Variants in AMPD2 observed in about 807,000 individuals in gnomAD.
AMPD2 encodes the protein AMP deaminase 2.
In AMPD2, 52 loss-of-function variants were observed where a neutral mutation model predicts 91.3. The observed-to-expected ratio is 0.57, with a 90% CI of 0.46 to 0.72. The LOEUF (loss-of-function observed/expected upper bound fraction) is 0.72. Ranked by LOEUF, AMPD2 falls within the 30% of genes least tolerant of loss-of-function variation. The probability of loss-of-function intolerance (pLI) is 0.00; values close to 1 mark genes in which losing one functional copy is unlikely to be tolerated. For missense variants in AMPD2, 822 were observed against 1,122.3 expected, an observed-to-expected ratio of 0.73 and a Z score of 3.82; for synonymous variants, 455 against 456.4, an observed-to-expected ratio of 1.00 and a Z score of 0.04.
In AMPD2 at chr1:109,625,430, C is replaced by G; in HGVS notation, c.219C>G (p.Ala73=). 1 of 1,613,922 alleles carries G rather than the reference C, an allele frequency of 6.2e-7. No homozygotes were observed. The highest frequency in any genetic ancestry group is 8.5e-7 in the Non-Finnish European group (1 of 1,179,976). The part of the protein sequence containing the change: ...TSMDGKCKEI[A]EELFTRSLAE... ...TGGATGGCAAATGCAAGGAGATCGC[C>G]GAGGTATCACCTGGCACCACCCGCA... The change falls in exon 3 of 19, where the codon GCC becomes GCG. Residue 73 remains alanine (A), a synonymous_variant. Transcript: ENST00000528667. The surrounding 1 kb of genome is among the most constrained non-coding windows in gnomAD (Gnocchi z 4.0).
intron 15 of AMPD2, 118 bp downstream of exon 15, chr1:109,629,608 G>A (rs1570594085): frequency 6.8e-7 from 1 of 1,471,596 alleles, no homozygotes; most frequent in East Asian, 2.3e-5. Context: ...GGACTGGATG[G>A]GTTCTTTCTC....
chr1:109,629,575 G>C (rs1651023585), intron 15 of AMPD2, 85 bp downstream of exon 15: 21 of 1,538,800 alleles, frequency 1.4e-5, no homozygotes, highest in Non-Finnish European at 1.7e-5. Flanking sequence ...AGGGCCACTA[G>C]ACCTCTGACC....
At position 109,626,887 on chromosome 1, in the gene AMPD2, G is replaced by C; in HGVS notation, c.693G>C (p.Gln231His). 1 of 1,613,618 alleles carries C rather than the reference G, an allele frequency of 6.2e-7. No homozygotes were observed. Among genetic ancestry groups the C allele is most frequent in the Admixed American group, 1.7e-5 (1 of 59,972 alleles). The change falls in exon 7 of 19, where the codon CAG (glutamine) becomes CAC (histidine). Residue 231 changes from glutamine (Q) to histidine (H), a missense_variant. Physicochemically the swap from Gln to His is conservative, Grantham distance 24. Coordinates refer to ENST00000528667, the MANE Select transcript of AMPD2 (RefSeq NM_001368809.2). ...EKPLETRTYE[Q>H]GPDTPVSADA... ...CTCTGGAGACCCGGACCTATGAACAGGGCCCCGACACCCCTGTGTCTGCTG... is the reference window on the plus strand; with the variant it reads ...CTCTGGAGACCCGGACCTATGAACACGGCCCCGACACCCCTGTGTCTGCTG...
In AMPD2 at chr1:109,628,212, G is replaced by A; in HGVS notation, c.1210G>A (p.Glu404Lys). 2 of 1,614,064 alleles carry A rather than the reference G, an allele frequency of 1.2e-6. No homozygotes were observed. The highest frequency in any genetic ancestry group is 1.1e-5 in the South Asian group (1 of 91,090). ...GCAGGGCCGTGAACAGACGCTGCGGGAGGTCTTTGAGAGCATGAATCTCAC... is the reference window on the plus strand; with the variant it reads ...GCAGGGCCGTGAACAGACGCTGCGGAAGGTCTTTGAGAGCATGAATCTCAC... ...VEQGREQTLR[E>K]VFESMNLTAY... The change falls in exon 11 of 19, where the codon GAG becomes AAG. Residue 404 changes from glutamate (E) to lysine (K), a missense_variant. Coordinates refer to ENST00000528667, the MANE Select transcript of AMPD2 (RefSeq NM_001368809.2). The surrounding 1 kb of genome is among the most constrained non-coding windows in gnomAD (Gnocchi z 7.1).
At position 109,630,001 on chromosome 1, in the gene AMPD2, C is replaced by T. The variant is rs1056229799; in HGVS notation, c.1983+85C>T. The stretch of plus-strand genomic sequence containing the variant: ...GGCCCCTTCAGCAACCGATCCTCCT[C>T]CCACCCAGCCCTCAGATTGGATTCT... On this transcript the variant is annotated intron_variant, in intron 16 of 18. Coordinates refer to ENST00000528667, the MANE Select transcript of AMPD2 (RefSeq NM_001368809.2). 4 of 1,517,394 alleles carry T rather than the reference C, an allele frequency of 2.6e-6. No homozygotes were observed. In the African/African-American group the frequency reaches 5.5e-5, roughly 21 times the overall value. The allele number at this position is 1,517,394 out of a possible 1,614,324, so 94.0% of individuals were successfully genotyped here.
rs992687645 is a variant in AMPD2, at chr1:109,628,248, C to T, written c.1246C>T (p.Leu416=). The stretch of plus-strand genomic sequence containing the variant: ...GAGCATGAATCTCACGGCCTACGAC[C>T]TGAGTGTGGACACGCTGGATGTGCA... ...FESMNLTAYD[L]SVDTLDVHAD... Residue 416 remains leucine, a synonymous_variant, in exon 11 of 19, where the codon CTG becomes TTG. Transcript: ENST00000528667. The surrounding 1 kb of genome is among the most constrained non-coding windows in gnomAD (Gnocchi z 7.1). 7 of 1,613,800 alleles carry T rather than the reference C, an allele frequency of 4.3e-6. No homozygotes were observed. In the Admixed American group the frequency reaches 1.2e-4, roughly 27 times the overall value.
Position 109,629,311 on chromosome 1 carries a change from C to G in AMPD2, c.1699-16C>G, listed in dbSNP as rs1282077918. 1 of 1,614,122 alleles carries G rather than the reference C, an allele frequency of 6.2e-7. No homozygotes were observed. The highest frequency in any genetic ancestry group is 1.3e-5 in the African/African-American group (1 of 75,054). ...CCAGCTGCAGCTCTGGTTCTGACCC[C>G]AGGGTTCTGTATTAGGTGGATGGTT... On this transcript the variant is annotated splice_polypyrimidine_tract_variant and intron_variant, in intron 14 of 18. Transcript: ENST00000528667.
Position 109,631,029 on chromosome 1 carries a change from C to A in AMPD2, c.2355C>A (p.Arg785=). 6.2e-7 allele frequency: 1 copy of A among 1,614,176 alleles called. No individual in the cohort carries two copies. The highest frequency in any genetic ancestry group is 8.5e-7 in the Non-Finnish European group (1 of 1,180,030). Residue 785 remains arginine, a synonymous_variant, in exon 19 of 19, where the codon CGC becomes CGA. Transcript: ENST00000528667. ...DIRRTNVPDI[R]VGYRYETLCQ... Reference sequence around the variant, plus strand: ...GCCGGACCAATGTGCCAGACATCCGCGTGGGCTACCGCTACGAGACCCTGT... The same window carrying A: ...GCCGGACCAATGTGCCAGACATCCGAGTGGGCTACCGCTACGAGACCCTGT...
chr1:109,630,912 C>G (rs574408137), intron 18 of AMPD2, 31 bp from the exon 19 acceptor site: 1 of 1,611,128 alleles, frequency 6.2e-7, no homozygotes. Context: ...GCACTGGCTG[C>G]AGCCCTGCCC....
rs369274134 is a variant in AMPD2, at chr1:109,622,029, A to T, written c.91+763A>T. On this transcript the variant is annotated intron_variant, in intron 2 of 18. Coordinates refer to ENST00000528667, the MANE Select transcript of AMPD2 (RefSeq NM_001368809.2). ...TGGCTGCCTGGCTCTGTGCTTGCAG[A>T]GGGATATCTGCCTGCTGTCTGCTCC... is the stretch of plus-strand genomic sequence containing the variant. 2.0e-5 allele frequency among the ~76,000 whole-genome samples: 3 copies of T among 152,170 alleles called. No individual in the cohort carries two copies. In the East Asian group the frequency reaches 5.8e-4, roughly 29 times the overall value.
In AMPD2 at chr1:109,627,798, G is replaced by A. The variant is rs770262139; in HGVS notation, c.975G>A (p.Leu325=). The A allele has an allele frequency of 1.2e-6, 2 of 1,613,966 alleles. No homozygotes were observed. Among genetic ancestry groups the A allele is most frequent in the South Asian group, 1.1e-5 (1 of 91,078 alleles). ...GPIKSFCYRR[L]QYLSSKFQMH... The stretch of plus-strand genomic sequence containing the variant: ...GAAAGTCATTCTGCTACCGCCGGCT[G>A]CAGTACCTGAGCTCCAAGTTCCAGA... The change falls in exon 10 of 19, where the codon CTG becomes CTA. Residue 325 remains leucine, a synonymous_variant. Transcript: ENST00000528667.
rs1233279728 is a variant in AMPD2 at position 109,628,629 on chromosome 1, C to T, written c.1408-14C>T. ...AGCTCACCTCATGTCTGACTCAGCT[C>T]ACCTCATGTCTAGGAGGTGATGTCA... On this transcript the variant is annotated splice_polypyrimidine_tract_variant and intron_variant, in intron 12 of 18. Coordinates refer to ENST00000528667, the MANE Select transcript of AMPD2 (RefSeq NM_001368809.2). This position sits in a 1 kb window ranked among gnomAD's most constrained non-coding sequence, Gnocchi z 7.1. The T allele has an allele frequency of 1.2e-6, 2 of 1,612,552 alleles. No homozygotes were observed. Among genetic ancestry groups the T allele is most frequent in the East Asian group, 2.2e-5 (1 of 44,852 alleles).
chr1:109,626,741 C>A lies in AMPD2; in HGVS notation c.547C>A (p.Leu183Met). The change falls in exon 7 of 19, where the codon CTG (leucine) becomes ATG (methionine). Residue 183 changes from leucine to methionine, a missense_variant. Leu to Met is a conservative substitution (Grantham distance 15). Coordinates refer to ENST00000528667, the MANE Select transcript of AMPD2 (RefSeq NM_001368809.2). ...TCATCTCCAGGTGCCGTTCACAGAC[C>A]TGCTGGATGCAGCCAAGAGTGTGGT... ...EEKCGVPFTDLLDAAKSVVRA... is the reference protein window; with the variant it reads ...EEKCGVPFTDMLDAAKSVVRA... 1 of 1,613,382 alleles carries A rather than the reference C, an allele frequency of 6.2e-7. No homozygotes were observed. The highest frequency in any genetic ancestry group is 8.5e-7 in the Non-Finnish European group (1 of 1,179,560).
Position 109,620,902 on chromosome 1 carries a change from GC to G in AMPD2, c.-262-6del, listed in dbSNP as rs887517518. 1.5e-5 allele frequency: 16 copies of G among 1,056,374 alleles called. No homozygotes were observed. The highest frequency in any genetic ancestry group is 3.3e-5 in the South Asian group (2 of 60,152). 65.4% of individuals were successfully genotyped at this position (1,056,374 alleles called of 1,614,324 possible). A position where few individuals can be genotyped will look rare whatever the true frequency, so the allele number is the denominator to read the frequency against. ...CTTCTTTTCTACCCACCCCCTCCCC[GC>G]CCCCCGCCAGGCCCAGCCACCATCA... On this transcript the variant is annotated splice_polypyrimidine_tract_variant and intron_variant, in intron 1 of 18. Coordinates refer to ENST00000528667, the MANE Select transcript of AMPD2 (RefSeq NM_001368809.2).
chr1:109,630,779 G>A lies in AMPD2; in HGVS notation c.2254G>A (p.Gly752Ser), dbSNP rs1167053242. The change falls in exon 18 of 19, where the codon GGC (glycine) becomes AGC (serine). Residue 752 changes from glycine to serine, a missense_variant. By Grantham distance (56) the Gly-to-Ser change is moderately conservative. This residue lies in a region of AMPD2 where 430 missense variants were observed against 606.0 expected (regional missense o/e 0.71). Transcript: ENST00000528667. Reference sequence around the variant, plus strand: ...GGCCCGCAACAGCGTGCTCATGAGCGGCTTCTCGCACAAGGTACTACAGCG... The same window carrying A: ...GGCCCGCAACAGCGTGCTCATGAGCAGCTTCTCGCACAAGGTACTACAGCG... ...ELARNSVLMS[G>S]FSHKVKSHWL... 6.2e-7 allele frequency: 1 copy of A among 1,608,966 alleles called. No individual in the cohort carries two copies. The highest frequency in any genetic ancestry group is 8.5e-7 in the Non-Finnish European group (1 of 1,177,934).
At position 109,631,167 on chromosome 1, in the gene AMPD2, G is replaced by A. The variant is rs1315392798; in HGVS notation, c.*15G>A. The A allele has an allele frequency of 3.8e-6, 6 of 1,565,348 alleles. No individual in the cohort carries two copies. The highest frequency in any genetic ancestry group is 2.4e-5 in the East Asian group (1 of 42,426). ...GGCCTCAATGAGCCTGGTCCATGAAGTGCCCACCACATCGCAGCACTTTTA... is the reference window on the plus strand; with the variant it reads ...GGCCTCAATGAGCCTGGTCCATGAAATGCCCACCACATCGCAGCACTTTTA... On this transcript the variant is annotated 3_prime_UTR_variant, in exon 19 of 19. Transcript: ENST00000528667.
rs188779916 is a variant in AMPD2 at position 109,622,118 on chromosome 1, C to A, written c.91+852C>A. On this transcript the variant is annotated intron_variant, in intron 2 of 18. Transcript: ENST00000528667. ...ATGACCAGATCATGCCGACTGCCCC[C>A]ACCCTTGCAGCTGTCTGTAGCTATA... The A allele has an allele frequency of 5.5e-5, 24 of 439,210 alleles. No individual in the cohort carries two copies. In the East Asian group the frequency reaches 1.6e-3, roughly 30 times the overall value. The allele number at this position is 439,210 out of a possible 1,614,324, so 27.2% of individuals were successfully genotyped here.
At chr1:109,623,906 C>T (rs972907719) in intron 2 of AMPD2, 4 of 678,630 alleles carry the variant, frequency 5.9e-6, no homozygotes, top group African/African-American at 5.8e-5. Flanking sequence ...TGCTCCTTCC[C>T]TTGGTTTCTG....
In AMPD2 at chr1:109,627,411, A is replaced by C; in HGVS notation, c.861-18A>C. ...GGGCTCGGCTTGCTCTCCTCACCCA[A>C]GCTCCCCTCCATGCCAGTTGCTCAG... On this transcript the variant is annotated intron_variant, in intron 8 of 18. Transcript: ENST00000528667. 1 of 1,613,930 alleles carries C rather than the reference A, an allele frequency of 6.2e-7. No individual in the cohort carries two copies. Among genetic ancestry groups the C allele is most frequent in the South Asian group, 1.1e-5 (1 of 91,078 alleles).
Sources: allele counts gnomAD v4.1 joint callset (sites outside exome capture counted in the v4.1 genomes callset), GRCh38; gene constraint gnomAD v4.1.1; regional missense constraint gnomAD v4.1.1; non-coding constraint Gnocchi (gnomAD v3.1); transcripts MANE v1.5; gene names NCBI Gene and HGNC (gene_info 2026-07-23, HGNC 2026-07-21).